The following BMP1 variants were observed in gnomAD, a reference collection of about 807,000 sequenced individuals.
The protein encoded by BMP1 is bone morphogenetic protein 1, also known as mammalian tolloid protein.
A neutral mutation model predicts 116.8 loss-of-function variants in BMP1; 63 were observed. The ratio of observed to expected loss-of-function variants is 0.54; its 90% CI spans 0.44 to 0.67. The LOEUF (loss-of-function observed/expected upper bound fraction) is 0.67. Among genes scored for constraint, BMP1 ranks in the 30% least tolerant of loss-of-function variants. The pLI is 0.00. For synonymous variants in BMP1, 536 were observed against 533.4 expected, an observed-to-expected ratio of 1.00 and a Z score of -0.07; for missense variants, 1,183 against 1,358.9, an observed-to-expected ratio of 0.87 and a Z score of 2.04.
intron 6 of BMP1, among the ~76,000 whole-genome samples, chr8:22,178,983 C>A (rs1394062742): frequency 6.6e-6 from 1 of 152,190 alleles, no homozygotes; most frequent in Non-Finnish European, 1.5e-5. Flanking sequence ...CACCCACAGA[C>A]CCGGCCTTAC....
chr8:22,210,386 T>G (rs1235941356), intron 19 of BMP1, among the ~76,000 whole-genome samples: 1 of 126,074 alleles, frequency 7.9e-6, no homozygotes, highest in Non-Finnish European at 1.7e-5. Flanking sequence ...TTTTTTTTTT[T>G]GTCCTTTCCT....
intron 8 of BMP1, among the ~76,000 whole-genome samples, chr8:22,189,039 A>G (rs1828857810): frequency 6.6e-6 from 1 of 152,186 alleles, no homozygotes; most frequent in Non-Finnish European, 1.5e-5. Flanking sequence ...TGTTAGATAT[A>G]CAAATAACAT....
At chr8:22,207,068 C>T in intron 17 of BMP1, 87 bp downstream of exon 17, 1 of 1,559,474 alleles carries the variant, frequency 6.4e-7, no homozygotes, top group Non-Finnish European at 8.7e-7. Context: ...GCAGGCTGAG[C>T]CCAGAGGTCT....
At position 22,194,392 on chromosome 8, in the gene BMP1, G is replaced by A. The variant is rs1042368055; in HGVS notation, c.1298-53G>A. ...AGTGGGGAAAAGAGCTCCCTAGCAG[G>A]GCAAAGCATGCTGACTCACCACCCC... is the stretch of plus-strand genomic sequence containing the variant. On this transcript the variant is annotated intron_variant, in intron 10 of 19. Coordinates refer to ENST00000306385, the MANE Select transcript of BMP1 (RefSeq NM_006129.5). The surrounding 1 kb of genome is among the most constrained non-coding windows in gnomAD (Gnocchi z 4.5). 29 of 1,606,756 alleles carry A rather than the reference G, an allele frequency of 1.8e-5. No homozygotes were observed. The East Asian group carries it at 3.8e-4, about 21-fold the overall frequency.
chr8:22,200,806 C>T (rs1469182191), intron 15 of BMP1, among the ~76,000 whole-genome samples: 4 of 152,168 alleles, frequency 2.6e-5, no homozygotes, highest in African/African-American at 9.7e-5. Context: ...CGACGACTCC[C>T]CAGTTCTCTC....
Position 22,207,376 on chromosome 8 carries a change from ACGCCAAGGCCCCCGT to A in BMP1, c.2437_2451del (p.Ala813_Val817del), listed in dbSNP as rs750551148. 6.2e-6 allele frequency: 10 copies of A among 1,614,004 alleles called. No homozygotes were observed. Among genetic ancestry groups the A allele is most frequent in the Non-Finnish European group, 8.5e-6 (10 of 1,180,028 alleles). The stretch of plus-strand genomic sequence containing the variant: ...CACCTAGAGGTGTTCGACGGGCGAG[ACGCCAAGGCCCCCGT>A]CCTCGGCCGCTTCTGTGGGAGCAAG... On this transcript the variant is annotated inframe_deletion, in exon 18 of 20. Transcript: ENST00000306385.
chr8:22,205,782 G>T (rs1252513072), intron 16 of BMP1, among the ~76,000 whole-genome samples: 2 of 152,034 alleles, frequency 1.3e-5, no homozygotes, highest in African/African-American at 4.8e-5. Flanking sequence ...TTTTGTTTTT[G>T]TTTTTTAATT....
chr8:22,176,226 T>C lies in BMP1; in HGVS notation c.346T>C (p.Ser116Pro). Reference protein sequence around the residue: ...RGACGRWRGRSRSRRAATSRP... With the variant: ...RGACGRWRGRPRSRRAATSRP... ...AGCCTGTGGGAGATGGAGAGGTAGATCCCGTAGCCGGCGGGCGGCGACGTC... is the reference window on the plus strand; with the variant it reads ...AGCCTGTGGGAGATGGAGAGGTAGACCCCGTAGCCGGCGGGCGGCGACGTC... Residue 116 changes from serine to proline, a missense_variant, in exon 3 of 20, where the codon TCC (serine) becomes CCC (proline). This residue lies in a region of BMP1 where 185 missense variants were observed against 158.9 expected (regional missense o/e 1.16). Coordinates refer to ENST00000306385, the MANE Select transcript of BMP1 (RefSeq NM_006129.5). 6.2e-7 allele frequency: 1 copy of C among 1,614,036 alleles called. No homozygotes were observed. The highest frequency in any genetic ancestry group is 1.1e-5 in the South Asian group (1 of 91,070).
At chr8:22,177,748 C>A in intron 5 of BMP1, 104 bp from the exon 6 acceptor site, 1 of 913,196 alleles carries the variant, frequency 1.1e-6, no homozygotes, top group Non-Finnish European at 1.8e-6. Flanking sequence ...GGGACTCTCT[C>A]AGATACAGGA....
rs184028195 is a variant in BMP1, at chr8:22,200,402, C to A, written c.2108-1401C>A. ...GTCCTGTCCCTGGGTGTGTCTGTGCCTGTGTGTGCGTTGATATCTGTGCCT... is the reference window on the plus strand; with the variant it reads ...GTCCTGTCCCTGGGTGTGTCTGTGCATGTGTGTGCGTTGATATCTGTGCCT... On this transcript the variant is annotated intron_variant, in intron 15 of 19. Transcript: ENST00000306385. Among the ~76,000 whole-genome samples the A allele has an allele frequency of 5.7e-4, 87 of 152,242 alleles. 1 individual carries two copies. Among genetic ancestry groups the A allele is most frequent in the African/African-American group, 1.7e-3 (72 of 41,530 alleles).
At chr8:22,206,335 C>T (rs904174187) in intron 16 of BMP1, among the ~76,000 whole-genome samples, 7 of 152,072 alleles carry the variant, frequency 4.6e-5, no homozygotes, top group Non-Finnish European at 1.0e-4. Context: ...AACCCCGTCT[C>T]TACTAAAAAT....
intron 15 of BMP1, 92 bp from the exon 16 acceptor site, chr8:22,201,711 G>T: frequency 6.4e-7 from 1 of 1,566,120 alleles, no homozygotes; most frequent in South Asian, 1.2e-5. Context: ...GTCCCGGTGG[G>T]AGAAAGTCCA....
chr8:22,201,407 C>T, intron 15 of BMP1: 1 of 1,438,332 alleles, frequency 7.0e-7, no homozygotes, highest in Non-Finnish European at 9.1e-7. Flanking sequence ...TACCCCCTCC[C>T]ATTTTGATGG....
intron 16 of BMP1, among the ~76,000 whole-genome samples, chr8:22,206,313 C>T (rs1470603348): frequency 6.6e-6 from 1 of 152,096 alleles, no homozygotes. Context: ...ACTAGCCTGG[C>T]CAACATGGCG....
chr8:22,187,488 G>T (rs1407567771), intron 8 of BMP1, among the ~76,000 whole-genome samples: 2 of 143,644 alleles, frequency 1.4e-5, no homozygotes, highest in African/African-American at 5.2e-5. Context: ...CCGCCACCAC[G>T]CCCGGCTAAT....
chr8:22,193,182 C>T (rs951057093), intron 9 of BMP1, among the ~76,000 whole-genome samples: 2 of 152,192 alleles, frequency 1.3e-5, no homozygotes, highest in Admixed American at 6.5e-5. Flanking sequence ...CACAGATGGC[C>T]GACCTCATTC....
chr8:22,211,809 A>G lies in BMP1; in HGVS notation c.*81A>G. 6.3e-7 allele frequency: 1 copy of G among 1,599,514 alleles called. No homozygotes were observed. Among genetic ancestry groups the G allele is most frequent in the Non-Finnish European group, 8.5e-7 (1 of 1,172,110 alleles). On this transcript the variant is annotated 3_prime_UTR_variant, in exon 20 of 20. Transcript: ENST00000306385. ...GGATAGTGGGGGTGGGCGGAAGGCA[A>G]CGCACCATCCCTCTCCCCCAGGCCC...
In BMP1 at chr8:22,179,610, C is replaced by T; in HGVS notation, c.837-95C>T. 6.3e-7 allele frequency: 1 copy of T among 1,595,038 alleles called. No homozygotes were observed. Among genetic ancestry groups the T allele is most frequent in the Non-Finnish European group, 8.6e-7 (1 of 1,169,396 alleles). ...CTGCTGAGGAATGTCTGAGCTCCAG[C>T]AGGGTCGTGACTTGTGGGTACAGAT... On this transcript the variant is annotated intron_variant, in intron 6 of 19. Coordinates refer to ENST00000306385, the MANE Select transcript of BMP1 (RefSeq NM_006129.5). This position sits in a 1 kb window ranked among gnomAD's most constrained non-coding sequence, Gnocchi z 4.6.
chr8:22,201,153 C>A (rs970173924), intron 15 of BMP1: 1 of 1,613,552 alleles, frequency 6.2e-7, no homozygotes. Flanking sequence ...TCGGGGACGC[C>A]CCCACCAGCT....
Sources: allele counts gnomAD v4.1 joint callset (sites outside exome capture counted in the v4.1 genomes callset), GRCh38; gene constraint gnomAD v4.1.1; regional missense constraint gnomAD v4.1.1; non-coding constraint Gnocchi (gnomAD v3.1); transcripts MANE v1.5; gene names NCBI Gene and HGNC (gene_info 2026-07-23, HGNC 2026-07-21).